The following BDKRB2 variants were observed in gnomAD, a reference collection of about 807,000 sequenced individuals.
BDKRB2 encodes the protein bradykinin receptor B2.
Under a neutral mutation model 4.0 loss-of-function variants are expected in BDKRB2, and 6 were observed. That is an observed-to-expected ratio of 1.49 (90% CI 0.81 to 2.93). The LOEUF (loss-of-function observed/expected upper bound fraction) is 2.93. Among genes scored for constraint, BDKRB2 ranks in the 30% most tolerant of loss-of-function variants. The probability of loss-of-function intolerance (pLI) is 0.00; values close to 1 mark genes in which losing one functional copy is unlikely to be tolerated. For synonymous variants in BDKRB2, 225 were observed against 215.3 expected (o/e 1.05, Z -0.40); for missense variants, 478 against 520.1 (o/e 0.92, Z 0.79).
chr14:96,228,451 G>T (rs948666958), intron 1 of BDKRB2, among the ~76,000 whole-genome samples: 1 of 152,194 alleles, frequency 6.6e-6, no homozygotes, highest in Non-Finnish European at 1.5e-5. Context: ...GATGGAGGTG[G>T]CTCTTAGTCG....
intron 1 of BDKRB2, among the ~76,000 whole-genome samples, chr14:96,219,126 AC>A (rs1191121091): frequency 6.6e-6 from 1 of 151,640 alleles, no homozygotes; most frequent in African/African-American, 2.4e-5. Context: ...ACATGGCAAG[AC>A]CCTGTCTCTA....
chr14:96,219,078 G>T (rs970414694), intron 1 of BDKRB2, among the ~76,000 whole-genome samples: 1 of 151,994 alleles, frequency 6.6e-6, no homozygotes, highest in African/African-American at 2.4e-5. Flanking sequence ...CCAAGGCAGG[G>T]ATCACTTGAG....
At chr14:96,236,944 C>G in intron 1 of BDKRB2, 125 bp from the exon 2 acceptor site, 1 of 661,404 alleles carries the variant, frequency 1.5e-6, no homozygotes, top group South Asian at 1.8e-5. Context: ...TGTGTGGGAG[C>G]ACTTCACAAA....
intron 2 of BDKRB2, chr14:96,238,770 C>T (rs1233720414): frequency 1.0e-6 from 1 of 985,864 alleles, no homozygotes; most frequent in African/African-American, 1.7e-5. Context: ...GAGTCACCTC[C>T]AACCCCTTAC....
chr14:96,216,741 G>A (rs1158765196), intron 1 of BDKRB2, among the ~76,000 whole-genome samples: 56 of 111,922 alleles, frequency 5.0e-4, no homozygotes, highest in African/African-American at 2.0e-3. Flanking sequence ...GGAAGGAGGA[G>A]GAGGAGGAAG....
At chr14:96,239,237 G>A (rs533685518) in intron 2 of BDKRB2, 12 of 980,378 alleles carry the variant, frequency 1.2e-5, no homozygotes, top group Middle Eastern at 5.2e-4. Flanking sequence ...GTGTGTCTTC[G>A]CATCCACTCT....
chr14:96,217,155 A>T (rs762770290), intron 1 of BDKRB2, among the ~76,000 whole-genome samples: 3 of 152,254 alleles, frequency 2.0e-5, no homozygotes, highest in Non-Finnish European at 4.4e-5. Context: ...AGAGATTCAG[A>T]TAAGCAAACA....
intron 1 of BDKRB2, among the ~76,000 whole-genome samples, chr14:96,208,713 C>T (rs933427119): frequency 6.6e-6 from 1 of 152,194 alleles, no homozygotes; most frequent in Non-Finnish European, 1.5e-5. Flanking sequence ...GACATGCACA[C>T]ACTCCTGTGT....
intron 2 of BDKRB2, among the ~76,000 whole-genome samples, 178 bp downstream of exon 2, chr14:96,237,359 G>A (rs1426367368): frequency 6.6e-6 from 1 of 152,190 alleles, no homozygotes; most frequent in Non-Finnish European, 1.5e-5. Flanking sequence ...GGGAGCAGAG[G>A]GAATGTTCTG....
Position 96,241,636 on chromosome 14 carries a change from A to G in BDKRB2, c.*132A>G, listed in dbSNP as rs1027173407. On this transcript the variant is annotated 3_prime_UTR_variant, in exon 3 of 3. Transcript: ENST00000554311. The stretch of plus-strand genomic sequence containing the variant: ...AATGAGTTGATGTCTCCGGTAAAAC[A>G]CCGGAGACTAATTCCTGCCCTGCCC... The G allele has an allele frequency of 1.0e-5, 14 of 1,384,530 alleles. No individual in the cohort carries two copies. In the African/African-American group the frequency reaches 2.0e-4, roughly 20 times the overall value. 85.8% of individuals were successfully genotyped at this position (1,384,530 alleles called of 1,614,324 possible).
intron 1 of BDKRB2, among the ~76,000 whole-genome samples, chr14:96,209,769 G>A (rs1259614239): frequency 1.3e-5 from 2 of 152,192 alleles, no homozygotes; most frequent in Non-Finnish European, 2.9e-5. Context: ...GCCAAGTTGT[G>A]TGGATCACCT....
intron 1 of BDKRB2, among the ~76,000 whole-genome samples, chr14:96,223,745 T>C (rs867170184): frequency 2.0e-5 from 3 of 152,194 alleles, no homozygotes; most frequent in Middle Eastern, 3.4e-3. Flanking sequence ...TTCAGCGTAC[T>C]GGAAACTTTC....
intron 1 of BDKRB2, among the ~76,000 whole-genome samples, chr14:96,226,085 C>T (rs192060097): frequency 6.6e-6 from 1 of 152,300 alleles, no homozygotes; most frequent in South Asian, 2.1e-4. Flanking sequence ...GACCTGCAGC[C>T]TTCCTTTCTA....
intron 1 of BDKRB2, among the ~76,000 whole-genome samples, chr14:96,226,186 G>C (rs1890692412): frequency 6.6e-6 from 1 of 152,170 alleles, no homozygotes; most frequent in Non-Finnish European, 1.5e-5. Context: ...AGGACATCAT[G>C]ACCACCATGC....
At chr14:96,227,974 C>A (rs1278726355) in intron 1 of BDKRB2, among the ~76,000 whole-genome samples, 1 of 152,228 alleles carries the variant, frequency 6.6e-6, no homozygotes. Context: ...GAGCCCAGGT[C>A]CAAGCTGCCC....
At chr14:96,226,146 T>G (rs1890691340) in intron 1 of BDKRB2, among the ~76,000 whole-genome samples, 1 of 152,216 alleles carries the variant, frequency 6.6e-6, no homozygotes. Flanking sequence ...TTTCCTGGTA[T>G]ACATGAATGG....
rs1429032947 is a variant in BDKRB2, at chr14:96,244,126, C to T, written c.*2622C>T. On this transcript the variant is annotated 3_prime_UTR_variant, in exon 3 of 3. Coordinates refer to ENST00000554311, the MANE Select transcript of BDKRB2 (RefSeq NM_001379692.1). ...ACGAGAAAATCATGTAAACATGTGT[C>T]TTTTCTGTAGAGCATAATAAATGGA... The T allele has an allele frequency of 2.5e-6, 1 of 398,472 alleles. No homozygotes were observed. Among genetic ancestry groups the T allele is most frequent in the African/African-American group, 2.1e-5 (1 of 48,630 alleles). 24.7% of individuals were successfully genotyped at this position (398,472 alleles called of 1,614,324 possible).
At chr14:96,230,932 T>G (rs1036815407) in intron 1 of BDKRB2, among the ~76,000 whole-genome samples, 2 of 150,790 alleles carry the variant, frequency 1.3e-5, no homozygotes, top group South Asian at 4.2e-4. Context: ...TTTATTTATT[T>G]ATTTTTTTTT....
At chr14:96,218,660 G>C (rs977952222) in intron 1 of BDKRB2, among the ~76,000 whole-genome samples, 21 of 152,038 alleles carry the variant, frequency 1.4e-4, no homozygotes, top group African/African-American at 4.8e-4. Flanking sequence ...GCTCATGCCT[G>C]TAATCCCAGC....
Sources: gnomAD v4.1 joint callset for allele counts (sites outside exome capture counted in the v4.1 genomes callset) on GRCh38, gnomAD v4.1.1 for gene constraint, MANE v1.5 for transcripts, NCBI Gene and HGNC (gene_info 2026-07-23, HGNC 2026-07-21) for gene names.